RBFOX1: variants seen among roughly 807,000 people sequenced by gnomAD.
RBFOX1 encodes RNA binding fox-1 homolog 1, also known as RNA binding protein fox-1 homolog 1.
RBFOX1 carries 8 observed loss-of-function variants against 57.7 expected under a neutral mutation model. That is an observed-to-expected ratio of 0.14 (90% CI 0.08 to 0.25). The LOEUF is 0.25. Among genes scored for constraint, RBFOX1 ranks in the 10% least tolerant of loss-of-function variants. RBFOX1 has a pLI of 1.00. For missense variants in RBFOX1, 611 were observed against 548.5 expected, an observed-to-expected ratio of 1.11 and a Z score of -1.14; for synonymous variants, 326 against 222.4, an observed-to-expected ratio of 1.47 and a Z score of -4.15.
chr16:5,657,732 C>CTTTTTTTTTT lies in RBFOX1; in HGVS notation c.318+58775_318+58776insTTTTTTTTTT, dbSNP rs71386513. Among the ~76,000 whole-genome samples, 2 of 98,352 alleles carry CTTTTTTTTTT rather than the reference C, an allele frequency of 2.0e-5. 1 individual carries two copies. Among genetic ancestry groups the CTTTTTTTTTT allele is most frequent in the Non-Finnish European group, 3.8e-5 (2 of 53,164 alleles). The allele number at this position is 98,352 out of a possible 152,430, so 64.5% of individuals were successfully genotyped here. On this transcript the variant is annotated intron_variant, in intron 3 of 19. Coordinates refer to the RBFOX1 transcript ENST00000641259. The stretch of plus-strand genomic sequence containing the variant: ...TTTCTCTCTTTCTTTTGTTTCTTTT[C>CTTTTTTTTTT]TTTTCTTTTTTTTTTTTTGAGACAG...
chr16:7,044,333 G>T (rs985759963), intron 3 of RBFOX1, among the ~76,000 whole-genome samples: 3 of 152,160 alleles, frequency 2.0e-5, no homozygotes, highest in African/African-American at 7.2e-5. Flanking sequence ...GTGTGGGAGA[G>T]AAAAATCAGA....
At chr16:6,304,099 T>C (rs1449520528) in intron 1 of RBFOX1, among the ~76,000 whole-genome samples, 2 of 151,632 alleles carry the variant, frequency 1.3e-5, no homozygotes, top group East Asian at 4.0e-4. Flanking sequence ...TGTGAGCCAC[T>C]GCGCCCAGCC....
intron 1 of RBFOX1, among the ~76,000 whole-genome samples, chr16:5,314,547 C>G (rs889182060): frequency 3.3e-5 from 5 of 152,236 alleles, no homozygotes; most frequent in African/African-American, 1.2e-4. Context: ...GTTGCCCAGG[C>G]TGGCGTGCAG....
chr16:5,967,069 G>A (rs1232828860), intron 4 of RBFOX1, among the ~76,000 whole-genome samples: 2 of 145,662 alleles, frequency 1.4e-5, no homozygotes, highest in South Asian at 2.2e-4. Context: ...AAACAGCCAT[G>A]ACCGCTCATT....
At chr16:6,876,901 C>A (rs9925723) in intron 3 of RBFOX1, among the ~76,000 whole-genome samples, 75,844 of 152,078 alleles carry the variant, frequency 0.5, 19,389 homozygotes, top group East Asian at 0.64. Context: ...TTTAGCCCAC[C>A]AAGTACTGGG....
intron 4 of RBFOX1, among the ~76,000 whole-genome samples, chr16:7,478,916 A>G (rs141045148): frequency 5.2e-4 from 79 of 152,190 alleles, no homozygotes; most frequent in Non-Finnish European, 9.6e-4. Flanking sequence ...CGATGAGTAA[A>G]GGGGAGAGTA....
chr16:7,273,006 C>T (rs1440467627), intron 4 of RBFOX1, among the ~76,000 whole-genome samples: 1 of 139,076 alleles, frequency 7.2e-6, no homozygotes, highest in East Asian at 2.2e-4. Context: ...TTCCTTCCTC[C>T]CTTCCTTTCT....
intron 6 of RBFOX1, 137 bp downstream of exon 6, chr16:7,580,057 A>T: frequency 1.1e-6 from 1 of 923,478 alleles, no homozygotes; most frequent in Non-Finnish European, 1.6e-6. Flanking sequence ...CCTAGTCTGC[A>T]GGTATATTGT....
At chr16:7,064,508 C>G (rs528656561) in intron 4 of RBFOX1, among the ~76,000 whole-genome samples, 1 of 152,118 alleles carries the variant, frequency 6.6e-6, no homozygotes, top group East Asian at 1.9e-4. Flanking sequence ...AGGACATAGA[C>G]ACGCACAAAG....
intron 3 of RBFOX1, among the ~76,000 whole-genome samples, chr16:7,023,903 G>C (rs540261765): frequency 6.6e-6 from 1 of 152,230 alleles, no homozygotes; most frequent in Admixed American, 6.5e-5. Context: ...TTTGGAAAGG[G>C]AGTTGAAAAC....
chr16:5,988,812 A>T (rs1454537168), intron 4 of RBFOX1, among the ~76,000 whole-genome samples: 1 of 152,132 alleles, frequency 6.6e-6, no homozygotes, highest in Non-Finnish European at 1.5e-5. Context: ...ATTCAGCTTA[A>T]ATGCATAGTG....
intron 4 of RBFOX1, among the ~76,000 whole-genome samples, chr16:7,330,853 G>A (rs935402682): frequency 6.6e-6 from 1 of 152,130 alleles, no homozygotes; most frequent in Non-Finnish European, 1.5e-5. Flanking sequence ...AAAGCAGACG[G>A]GAGAGACACG....
intron 4 of RBFOX1, among the ~76,000 whole-genome samples, chr16:7,266,692 A>G (rs981097996): frequency 3.3e-5 from 5 of 152,200 alleles, no homozygotes; most frequent in South Asian, 2.1e-4. Context: ...TGTGTTCATG[A>G]GCTTACATTC....
At chr16:5,903,394 A>G (rs2058358985) in intron 4 of RBFOX1, among the ~76,000 whole-genome samples, 1 of 152,132 alleles carries the variant, frequency 6.6e-6, no homozygotes, top group Non-Finnish European at 1.5e-5. Context: ...ATTACTCAGT[A>G]GCAACATGAC....
chr16:6,971,370 C>G (rs1269862402), intron 3 of RBFOX1, among the ~76,000 whole-genome samples: 1 of 151,932 alleles, frequency 6.6e-6, no homozygotes, highest in African/African-American at 2.4e-5. Context: ...ATGACTCAGC[C>G]TAAAGTGGGG....
intron 3 of RBFOX1, among the ~76,000 whole-genome samples, chr16:5,784,106 T>C (rs1006637714): frequency 8.5e-5 from 13 of 152,140 alleles, no homozygotes; most frequent in African/African-American, 3.1e-4. Context: ...TCAGGAAACC[T>C]ACACTCACGG....
chr16:6,148,103 T>TCA (rs1485746722), intron 1 of RBFOX1, among the ~76,000 whole-genome samples: 19 of 152,006 alleles, frequency 1.2e-4, no homozygotes, highest in Non-Finnish European at 2.1e-4. Context: ...CCGAGGCGGG[T>TCA]GGATCACCTG....
At chr16:7,601,258 C>G (rs1473522976) in intron 9 of RBFOX1, among the ~76,000 whole-genome samples, 1 of 152,190 alleles carries the variant, frequency 6.6e-6, no homozygotes, top group Non-Finnish European at 1.5e-5. Flanking sequence ...TGTGCCAGCT[C>G]TCTAGTGGGA....
intron 1 of RBFOX1, among the ~76,000 whole-genome samples, chr16:6,257,504 C>T (rs1020062500): frequency 1.3e-5 from 2 of 151,920 alleles, no homozygotes; most frequent in African/African-American, 4.8e-5. Flanking sequence ...GTTTGTCGTA[C>T]AGTTGATTTT....
Sources: gnomAD v4.1 joint callset for allele counts (sites outside exome capture counted in the v4.1 genomes callset) on GRCh38, gnomAD v4.1.1 for gene constraint, MANE v1.5 for transcripts, NCBI Gene and HGNC (gene_info 2026-07-23, HGNC 2026-07-21) for gene names.